Variants in UBE2E2 observed in about 807,000 individuals in gnomAD.
The protein encoded by UBE2E2 is ubiquitin-conjugating enzyme E2 E2.
Under a neutral mutation model 24.7 loss-of-function variants are expected in UBE2E2, and 6 were observed. The observed-to-expected ratio is 0.24, with a 90% CI of 0.13 to 0.48. The LOEUF (loss-of-function observed/expected upper bound fraction) is 0.48. UBE2E2 is among the 20% of genes least tolerant of loss of function. The pLI is 0.99. For synonymous variants in UBE2E2, 104 were observed against 83.6 expected, an observed-to-expected ratio of 1.24 and a Z score of -1.33; for missense variants, 169 against 245.0, an observed-to-expected ratio of 0.69 and a Z score of 2.07.
intron 3 of UBE2E2, among the ~76,000 whole-genome samples, chr3:23,317,388 C>T (rs1210185030): frequency 6.6e-6 from 1 of 152,188 alleles, no homozygotes; most frequent in Non-Finnish European, 1.5e-5. Context: ...CAATGCAAAG[C>T]CCACAGTTGG....
At chr3:23,584,381 G>A (rs1256659752) in intron 5 of UBE2E2, among the ~76,000 whole-genome samples, 1 of 151,768 alleles carries the variant, frequency 6.6e-6, no homozygotes, top group East Asian at 1.9e-4. Context: ...CCCTGTCTCT[G>A]TCCTCCCTTT....
intron 3 of UBE2E2, among the ~76,000 whole-genome samples, chr3:23,303,821 T>G (rs1699171017): frequency 6.6e-6 from 1 of 152,204 alleles, no homozygotes; most frequent in Admixed American, 6.5e-5. Context: ...AGTATAATAA[T>G]TAACTTCTGA....
chr3:23,544,441 A>G (rs1305710648), intron 5 of UBE2E2, among the ~76,000 whole-genome samples: 3 of 152,214 alleles, frequency 2.0e-5, no homozygotes, highest in Non-Finnish European at 2.9e-5. Flanking sequence ...CAAGAAACAT[A>G]TGTAAAACTG....
chr3:23,554,108 A>G (rs1398882289), intron 5 of UBE2E2, among the ~76,000 whole-genome samples: 4 of 152,184 alleles, frequency 2.6e-5, no homozygotes, highest in African/African-American at 9.6e-5. Flanking sequence ...TGAGGGGGGA[A>G]GAGATATCAC....
At chr3:23,568,697 AT>A (rs34680912) in intron 5 of UBE2E2, among the ~76,000 whole-genome samples, 1 of 27,546 alleles carries the variant, frequency 3.6e-5, no homozygotes. Context: ...ATATACACAC[AT>A]ATATATATAC....
chr3:23,454,801 T>C (rs1559388503), intron 3 of UBE2E2, among the ~76,000 whole-genome samples: 1 of 152,218 alleles, frequency 6.6e-6, no homozygotes, highest in Non-Finnish European at 1.5e-5. Flanking sequence ...AATAAAAGAC[T>C]ACCTCCTGGT....
chr3:23,321,373 C>T (rs1055054043), intron 3 of UBE2E2, among the ~76,000 whole-genome samples: 1 of 151,930 alleles, frequency 6.6e-6, no homozygotes, highest in East Asian at 1.9e-4. Context: ...TTTGTGAAGA[C>T]GATAGAAACT....
intron 4 of UBE2E2, among the ~76,000 whole-genome samples, 180 bp downstream of exon 4, chr3:23,499,920 A>G (rs556899720): frequency 8.5e-5 from 13 of 152,270 alleles, no homozygotes; most frequent in Non-Finnish European, 1.6e-4. Context: ...CCTCCACCCC[A>G]GCTTTTTACT....
intron 3 of UBE2E2, among the ~76,000 whole-genome samples, chr3:23,480,728 A>G (rs754865749): frequency 1.3e-5 from 2 of 152,226 alleles, no homozygotes; most frequent in Admixed American, 6.5e-5. Context: ...CTTAGTACAG[A>G]AAAAGGATTT....
chr3:23,481,505 A>G (rs1427215008), intron 3 of UBE2E2, among the ~76,000 whole-genome samples: 2 of 152,194 alleles, frequency 1.3e-5, no homozygotes, highest in Admixed American at 6.5e-5. Flanking sequence ...AAAGAGTACA[A>G]TTAGCCTTTT....
At chr3:23,266,521 T>C (rs2125358369) in intron 3 of UBE2E2, among the ~76,000 whole-genome samples, 1 of 152,312 alleles carries the variant, frequency 6.6e-6, no homozygotes, top group Admixed American at 6.5e-5. Flanking sequence ...GCTGTTAGTC[T>C]GATGGGCTTC....
chr3:23,260,263 T>A (rs1021934370), intron 3 of UBE2E2, among the ~76,000 whole-genome samples: 1 of 152,246 alleles, frequency 6.6e-6, no homozygotes, highest in Non-Finnish European at 1.5e-5. Context: ...TTTATAATGC[T>A]ATATATTTTT....
At chr3:23,207,975 GC>G (rs1696196623) in intron 1 of UBE2E2, among the ~76,000 whole-genome samples, 2 of 151,968 alleles carry the variant, frequency 1.3e-5, no homozygotes, top group Non-Finnish European at 2.9e-5. Context: ...ATACCCATTA[GC>G]CGTCACTCTT....
At chr3:23,520,805 G>T (rs1200585549) in intron 4 of UBE2E2, among the ~76,000 whole-genome samples, 1 of 152,124 alleles carries the variant, frequency 6.6e-6, no homozygotes, top group African/African-American at 2.4e-5. Flanking sequence ...ACCATGCCTG[G>T]ATAGTTTTTT....
rs553821928 is a variant in UBE2E2, at chr3:23,394,709, G to A, written c.228-104899G>A. ...ACTCTGGTACTGTTCTGGAGCCAGA[G>A]GTTAAAAATTGGAATCCAGAGATTG... On this transcript the variant is annotated intron_variant, in intron 3 of 5. Coordinates refer to ENST00000396703, the MANE Select transcript of UBE2E2 (RefSeq NM_152653.4). Among the ~76,000 whole-genome samples the A allele has an allele frequency of 2.0e-5, 3 of 152,256 alleles. No individual in the cohort carries two copies. The East Asian group carries it at 5.8e-4, about 29-fold the overall frequency.
rs556106298 is a variant in UBE2E2, at chr3:23,280,089, C to T, written c.227+62777C>T. ...AGAAAACACATTTGACTTATTACCA[C>T]GGTAAGGTTCAAATTACTGATATCA... On this transcript the variant is annotated intron_variant, in intron 3 of 5. Coordinates refer to ENST00000396703, the MANE Select transcript of UBE2E2 (RefSeq NM_152653.4). This position sits in a 1 kb window ranked among gnomAD's most constrained non-coding sequence, Gnocchi z 4.3. Among the ~76,000 whole-genome samples, 42 of 152,292 alleles carry T rather than the reference C, an allele frequency of 2.8e-4. No individual in the cohort carries two copies. The South Asian group carries it at 6.0e-3, about 22-fold the overall frequency.
intron 5 of UBE2E2, among the ~76,000 whole-genome samples, chr3:23,585,248 T>C (rs1403733412): frequency 6.6e-6 from 1 of 151,786 alleles, no homozygotes; most frequent in Non-Finnish European, 1.5e-5. Flanking sequence ...ACTGTGTGCC[T>C]GTAGTCCCAG....
At chr3:23,218,649 TC>T (rs759441987) in intron 3 of UBE2E2, among the ~76,000 whole-genome samples, 1 of 152,096 alleles carries the variant, frequency 6.6e-6, no homozygotes, top group Non-Finnish European at 1.5e-5. Flanking sequence ...TTTATACACT[TC>T]TTTGCTTAAA....
intron 4 of UBE2E2, among the ~76,000 whole-genome samples, chr3:23,502,285 C>G (rs527239237): frequency 6.7e-6 from 1 of 150,256 alleles, no homozygotes; most frequent in African/African-American, 2.5e-5. Flanking sequence ...CAACATTTCC[C>G]AATACTCTGA....
Sources: gnomAD v4.1 joint callset for allele counts (sites outside exome capture counted in the v4.1 genomes callset) on GRCh38, gnomAD v4.1.1 for gene constraint, Gnocchi (gnomAD v3.1) non-coding constraint, MANE v1.5 for transcripts, NCBI Gene and HGNC (gene_info 2026-07-23, HGNC 2026-07-21) for gene names.